Variants in TSPAN9 observed in about 807,000 individuals in gnomAD.
TSPAN9 encodes the protein tetraspanin-9.
A neutral mutation model predicts 31.0 loss-of-function variants in TSPAN9; 16 were observed. The observed-to-expected ratio is 0.52, with a 90% confidence interval of 0.35 to 0.78. The LOEUF is 0.78. Ranked by LOEUF, TSPAN9 falls within the 30% of genes least tolerant of loss-of-function variation. The pLI is 0.01. For missense variants in TSPAN9, 272 were observed against 312.5 expected, an observed-to-expected ratio of 0.87 and a Z score of 0.98; for synonymous variants, 145 against 121.6, an observed-to-expected ratio of 1.19 and a Z score of -1.27.
intron 2 of TSPAN9, among the ~76,000 whole-genome samples, chr12:3,189,526 C>T (rs1008815205): frequency 6.6e-6 from 1 of 152,054 alleles, no homozygotes. Flanking sequence ...AGGAGGCAGC[C>T]CAGTCACGTG....
chr12:3,188,836 T>G (rs2098362869), intron 2 of TSPAN9, among the ~76,000 whole-genome samples: 1 of 152,074 alleles, frequency 6.6e-6, no homozygotes, highest in African/African-American at 2.4e-5. Context: ...ACCTCCCAGA[T>G]AGGCCGAGGG....
At position 3,147,584 on chromosome 12, in the gene TSPAN9, A is replaced by G. The variant is rs2098337853; in HGVS notation, c.-17-53593A>G. On this transcript the variant is annotated intron_variant, in intron 2 of 8. Transcript: ENST00000011898. This position sits in a 1 kb window ranked among gnomAD's most constrained non-coding sequence, Gnocchi z 4.3. ...AGAGAACCAGCCAGCCCAGTGCTGC[A>G]ACGATGGAAGTGTTCTGTTCTGTAC... Among the ~76,000 whole-genome samples the G allele has an allele frequency of 6.6e-6, 1 of 152,198 alleles. No homozygotes were observed. Among genetic ancestry groups the G allele is most frequent in the African/African-American group, 2.4e-5 (1 of 41,444 alleles).
chr12:3,217,799 A>G (rs2098382131), intron 3 of TSPAN9, among the ~76,000 whole-genome samples: 1 of 150,572 alleles, frequency 6.6e-6, no homozygotes, highest in South Asian at 2.1e-4. Context: ...GAGACGTAAT[A>G]TGGGGAAGAC....
intron 1 of TSPAN9, among the ~76,000 whole-genome samples, chr12:3,078,422 T>G (rs1387195222): frequency 2.0e-5 from 3 of 152,172 alleles, no homozygotes; most frequent in Non-Finnish European, 4.4e-5. Context: ...TCCCTATATA[T>G]ACCTGCCAGC....
intron 2 of TSPAN9, among the ~76,000 whole-genome samples, chr12:3,127,685 C>G (rs1211846055): frequency 6.6e-6 from 1 of 152,162 alleles, no homozygotes; most frequent in African/African-American, 2.4e-5. Flanking sequence ...AAGGCATATA[C>G]TCTAAAATAA....
chr12:3,269,014 CT>C (rs1862610804), intron 3 of TSPAN9, among the ~76,000 whole-genome samples: 1 of 75,736 alleles, frequency 1.3e-5, no homozygotes, highest in African/African-American at 5.4e-5. Flanking sequence ...CCTGCCCTCT[CT>C]GTGTTCCTGC....
chr12:3,171,257 C>T (rs1164283464), intron 2 of TSPAN9, among the ~76,000 whole-genome samples: 1 of 152,090 alleles, frequency 6.6e-6, no homozygotes, highest in Admixed American at 6.6e-5. Flanking sequence ...ACCCTCATGT[C>T]CTCAAATTGG....
chr12:3,095,401 G>C (rs1339602683), intron 2 of TSPAN9, among the ~76,000 whole-genome samples: 2 of 150,590 alleles, frequency 1.3e-5, no homozygotes, highest in Non-Finnish European at 3.0e-5. Context: ...CTCCCAGACG[G>C]GGTGGTGGCC....
rs932008597 is a variant in TSPAN9, at chr12:3,280,619, G to A, written c.432+136G>A. ...AGCCGGGAGTGGAGTGGTACCCACG[G>A]GGGCATTTGCCTGAACTGCTGAGTC... On this transcript the variant is annotated intron_variant, in intron 6 of 8. Coordinates refer to ENST00000011898, the MANE Select transcript of TSPAN9 (RefSeq NM_006675.5). This position sits in a 1 kb window ranked among gnomAD's most constrained non-coding sequence, Gnocchi z 4.5. 2.7e-6 allele frequency: 2 copies of A among 740,584 alleles called. No homozygotes were observed. The highest frequency in any genetic ancestry group is 3.4e-5 in the South Asian group (2 of 59,040). 45.9% of individuals were successfully genotyped at this position (740,584 alleles called of 1,614,324 possible).
At chr12:3,088,920 G>A (rs1487499170) in intron 2 of TSPAN9, among the ~76,000 whole-genome samples, 1 of 152,178 alleles carries the variant, frequency 6.6e-6, no homozygotes, top group East Asian at 2.0e-4. Context: ...TCTTTGAACA[G>A]TGGAATGACA....
At chr12:3,128,642 A>G (rs889637801) in intron 2 of TSPAN9, among the ~76,000 whole-genome samples, 3 of 152,158 alleles carry the variant, frequency 2.0e-5, no homozygotes, top group African/African-American at 7.2e-5. Flanking sequence ...ATGGTGAGTC[A>G]GGCACCCCTG....
At chr12:3,186,306 CAGG>C (rs1050075584) in intron 2 of TSPAN9, among the ~76,000 whole-genome samples, 13 of 152,136 alleles carry the variant, frequency 8.5e-5, no homozygotes, top group African/African-American at 2.4e-4. Flanking sequence ...TGAAGCAGAG[CAGG>C]AGAAGAGAGA....
At chr12:3,274,067 A>G (rs909484006) in intron 3 of TSPAN9, among the ~76,000 whole-genome samples, 62 of 152,100 alleles carry the variant, frequency 4.1e-4, no homozygotes, top group African/African-American at 1.4e-3. Flanking sequence ...CTCAAACTCT[A>G]TTGACAATTG....
chr12:3,186,473 G>A (rs1368922813), intron 2 of TSPAN9, among the ~76,000 whole-genome samples: 1 of 152,098 alleles, frequency 6.6e-6, no homozygotes, highest in Non-Finnish European at 1.5e-5. Context: ...GACAGCCAAT[G>A]TAAAGTCTCC....
At chr12:3,202,017 C>A (rs1037686744) in intron 3 of TSPAN9, among the ~76,000 whole-genome samples, 3 of 152,192 alleles carry the variant, frequency 2.0e-5, no homozygotes, top group African/African-American at 7.2e-5. Context: ...AGCAGGGTGC[C>A]CCTGTCCTTG....
chr12:3,246,648 C>T (rs1862134208), intron 3 of TSPAN9, among the ~76,000 whole-genome samples: 1 of 152,224 alleles, frequency 6.6e-6, no homozygotes, highest in Non-Finnish European at 1.5e-5. Flanking sequence ...GTGCCTACAT[C>T]CCTCCTGACC....
intron 8 of TSPAN9, among the ~76,000 whole-genome samples, chr12:3,282,657 G>A (rs368730096): frequency 6.6e-6 from 1 of 152,126 alleles, no homozygotes; most frequent in South Asian, 2.1e-4. Context: ...AAGTGCCACC[G>A]TGCCCGGCTG....
intron 2 of TSPAN9, among the ~76,000 whole-genome samples, chr12:3,123,882 A>C (rs2098326219): frequency 6.6e-6 from 1 of 152,180 alleles, no homozygotes; most frequent in South Asian, 2.1e-4. Context: ...GAGTTTAAAA[A>C]ATAGTTTGAG....
chr12:3,082,219 G>A (rs2098298312), intron 1 of TSPAN9, among the ~76,000 whole-genome samples: 1 of 152,192 alleles, frequency 6.6e-6, no homozygotes, highest in Non-Finnish European at 1.5e-5. Flanking sequence ...GCAAGTGGTG[G>A]TGGACATGAA....
Sources: allele counts gnomAD v4.1 joint callset (sites outside exome capture counted in the v4.1 genomes callset), GRCh38; gene constraint gnomAD v4.1.1; non-coding constraint Gnocchi (gnomAD v3.1); transcripts MANE v1.5; gene names NCBI Gene and HGNC (gene_info 2026-07-23, HGNC 2026-07-21).